The following ARHGEF7 variants were observed in gnomAD, a reference collection of about 807,000 sequenced individuals.
ARHGEF7 encodes the protein PAK-interacting exchange factor beta.
A neutral mutation model predicts 109.8 loss-of-function variants in ARHGEF7; 33 were observed. The ratio of observed to expected loss-of-function variants is 0.30; its 90% CI spans 0.23 to 0.40. ARHGEF7 has a LOEUF of 0.40. Ranked by LOEUF, ARHGEF7 falls within the 10% of genes least tolerant of loss-of-function variation. The pLI is 1.00. For synonymous variants in ARHGEF7, 458 were observed against 424.6 expected, an observed-to-expected ratio of 1.08 and a Z score of -0.97; for missense variants, 938 against 1,098.5, an observed-to-expected ratio of 0.85 and a Z score of 2.07.
At chr13:111,177,978 T>C (rs1436567316) in intron 2 of ARHGEF7, among the ~76,000 whole-genome samples, 2 of 152,192 alleles carry the variant, frequency 1.3e-5, no homozygotes, top group Non-Finnish European at 2.9e-5. Flanking sequence ...CACCTCCTCT[T>C]CTCCATGCGC....
chr13:111,136,467 A>C (rs576459481), intron 1 of ARHGEF7, among the ~76,000 whole-genome samples: 1 of 152,372 alleles, frequency 6.6e-6, no homozygotes, highest in South Asian at 2.1e-4. Context: ...ACTACATGGA[A>C]ACTGAACAAC....
intron 16 of ARHGEF7, among the ~76,000 whole-genome samples, chr13:111,284,842 T>G (rs1229956645): frequency 6.6e-6 from 1 of 152,210 alleles, no homozygotes; most frequent in Non-Finnish European, 1.5e-5. Context: ...CTGTGTGCTC[T>G]GTGACCCTCT....
intron 3 of ARHGEF7, chr13:111,209,195 C>CT (rs886437071): frequency 1.3e-5 from 2 of 150,196 alleles, no homozygotes; most frequent in African/African-American, 2.5e-5. Context: ...GCCTCATTCT[C>CT]TCTTTTTTTT....
intron 2 of ARHGEF7, among the ~76,000 whole-genome samples, chr13:111,189,043 T>G (rs2079562597): frequency 6.6e-6 from 1 of 152,238 alleles, no homozygotes; most frequent in African/African-American, 2.4e-5. Context: ...CCAAGTGTCT[T>G]TCTTCAGCAT....
Position 111,209,911 on chromosome 13 carries a change from C to T in ARHGEF7, c.377C>T (p.Ser126Leu), listed in dbSNP as rs750993031. 5.6e-6 allele frequency: 9 copies of T among 1,614,044 alleles called. No individual in the cohort carries two copies. The highest frequency in any genetic ancestry group is 3.3e-5 in the Admixed American group (2 of 60,000). ...LGSDSVCARP[S>L]SHRIKSFDSL... ...AGTGACTCCGTGTGTGCCCGGCCCT[C>T]GTCTCACCGCATAAAGTCTTTTGAC... Residue 126 changes from serine (S) to leucine (L), a missense_variant, in exon 4 of 22, where the codon TCG becomes TTG. Ser to Leu is a moderately radical substitution (Grantham distance 145, BLOSUM62 -2). Transcript: ENST00000646102.
chr13:111,253,267 A>G (rs2090007167), intron 8 of ARHGEF7, among the ~76,000 whole-genome samples: 1 of 152,274 alleles, frequency 6.6e-6, no homozygotes. Context: ...AATGTGGAAC[A>G]GTGGTTTGTA....
At chr13:111,277,401 C>G (rs922305697) in intron 12 of ARHGEF7, among the ~76,000 whole-genome samples, 186 bp from the exon 13 acceptor site, 1 of 152,168 alleles carries the variant, frequency 6.6e-6, no homozygotes, top group Non-Finnish European at 1.5e-5. Context: ...TATGTTAAGA[C>G]TTAATACAGA....
intron 8 of ARHGEF7, among the ~76,000 whole-genome samples, chr13:111,261,873 G>A (rs1318445008): frequency 1.3e-5 from 2 of 152,116 alleles, no homozygotes; most frequent in African/African-American, 2.4e-5. Flanking sequence ...ATGACCAGTG[G>A]GTCAATGAAG....
rs765752542 is a variant in ARHGEF7 at position 111,273,879 on chromosome 13, C to T, written c.1139C>T (p.Thr380Met). 3.7e-5 allele frequency: 60 copies of T among 1,614,074 alleles called. No individual in the cohort carries two copies. Among genetic ancestry groups the T allele is most frequent in the East Asian group, 1.3e-4 (6 of 44,884 alleles). ...ASSPGILVLT[T>M]GLSKPFMRLD... ...AGCCCTGGGATTCTCGTGCTGACCACGGGCCTGAGCAAACCCTTCATGCGC... is the reference window on the plus strand; with the variant it reads ...AGCCCTGGGATTCTCGTGCTGACCATGGGCCTGAGCAAACCCTTCATGCGC... Residue 380 changes from threonine to methionine, a missense_variant, in exon 10 of 22, where the codon ACG becomes ATG. By Grantham distance (81) the Thr-to-Met change is moderately conservative (BLOSUM62 -1). This residue lies in a region of ARHGEF7 where 585 missense variants were observed against 723.6 expected (regional missense o/e 0.81). Transcript: ENST00000646102. The surrounding 1 kb of genome is among the most constrained non-coding windows in gnomAD (Gnocchi z 4.5).
At chr13:111,292,697 G>C in intron 19 of ARHGEF7, 1 of 1,043,190 alleles carries the variant, frequency 9.6e-7, no homozygotes, top group South Asian at 3.5e-5. Context: ...ACACAGGTTT[G>C]TGATCTAAGT....
At chr13:111,261,746 TAAAAA>T (rs1053817420) in intron 8 of ARHGEF7, among the ~76,000 whole-genome samples, 1 of 152,184 alleles carries the variant, frequency 6.6e-6, no homozygotes, top group African/African-American at 2.4e-5. Context: ...ATTCATCTCT[TAAAAA>T]AATATAATTT....
intron 6 of ARHGEF7, among the ~76,000 whole-genome samples, chr13:111,242,775 T>C (rs1341700150): frequency 1.3e-5 from 2 of 152,104 alleles, no homozygotes; most frequent in Non-Finnish European, 2.9e-5. Context: ...GCTGTTTGAG[T>C]TGGGAGAAGT....
intron 2 of ARHGEF7, among the ~76,000 whole-genome samples, chr13:111,172,203 T>C (rs76192266): frequency 0.039 from 5,896 of 152,278 alleles, 156 homozygotes; most frequent in Middle Eastern, 0.078. Flanking sequence ...TTCAGTTCTT[T>C]AAATGGAAGC....
At chr13:111,275,122 C>T (rs1017700010) in intron 11 of ARHGEF7, among the ~76,000 whole-genome samples, 1 of 152,172 alleles carries the variant, frequency 6.6e-6, no homozygotes, top group African/African-American at 2.4e-5. Flanking sequence ...TGTTGTCTTA[C>T]CAACTGCGTT....
intron 4 of ARHGEF7, among the ~76,000 whole-genome samples, chr13:111,213,038 A>G (rs2082684859): frequency 6.6e-6 from 1 of 152,326 alleles, no homozygotes. Flanking sequence ...TCCTTCTGTA[A>G]AGGAAATTAT....
intron 2 of ARHGEF7, among the ~76,000 whole-genome samples, chr13:111,162,017 T>C (rs1021584117): frequency 1.3e-5 from 2 of 152,230 alleles, no homozygotes; most frequent in African/African-American, 4.8e-5. Context: ...TCCTTGATTT[T>C]CTTTGTAGGA....
chr13:111,294,598 A>G (rs1191509045), intron 19 of ARHGEF7: 3 of 985,352 alleles, frequency 3.0e-6, no homozygotes, highest in Non-Finnish European at 3.6e-6. Flanking sequence ...TTGAATGTCT[A>G]ACACCATTAG....
At chr13:111,252,542 GA>G (rs1404591636) in intron 8 of ARHGEF7, among the ~76,000 whole-genome samples, 4 of 152,220 alleles carry the variant, frequency 2.6e-5, no homozygotes, top group African/African-American at 9.6e-5. Context: ...AGCTGTAGAA[GA>G]ATTCTAACCA....
intron 2 of ARHGEF7, among the ~76,000 whole-genome samples, chr13:111,179,834 A>G (rs2078562872): frequency 6.6e-6 from 1 of 152,200 alleles, no homozygotes; most frequent in African/African-American, 2.4e-5. Context: ...TCTGGCATGA[A>G]TTCTGCATAG....
Sources: gnomAD v4.1 joint callset for allele counts (sites outside exome capture counted in the v4.1 genomes callset) on GRCh38, gnomAD v4.1.1 for gene constraint, gnomAD v4.1.1 regional missense constraint, Gnocchi (gnomAD v3.1) non-coding constraint, MANE v1.5 for transcripts, NCBI Gene and HGNC (gene_info 2026-07-23, HGNC 2026-07-21) for gene names.